Variants in NR2C2 observed in about 807,000 individuals in gnomAD.
The protein encoded by NR2C2 is Nuclear hormone receptor TR4.
Under a neutral mutation model 62.9 loss-of-function variants are expected in NR2C2, and 6 were observed. The observed-to-expected ratio is 0.10, with a 90% confidence interval of 0.05 to 0.19. NR2C2 has a LOEUF of 0.19. Among genes scored for constraint, NR2C2 ranks in the 10% least tolerant of loss-of-function variants. The pLI, the probability that NR2C2 is intolerant of heterozygous loss-of-function variation, is 1.00. For missense variants in NR2C2, 479 were observed against 762.7 expected, an observed-to-expected ratio of 0.63 and a Z score of 4.38; for synonymous variants, 272 against 273.8, an observed-to-expected ratio of 0.99 and a Z score of 0.07.
chr3:14,949,309 A>G (rs956667178), intron 1 of NR2C2, among the ~76,000 whole-genome samples: 1 of 152,202 alleles, frequency 6.6e-6, no homozygotes, highest in African/African-American at 2.4e-5. Flanking sequence ...CTCTCTGAGT[A>G]AGTGATGTTT....
intron 11 of NR2C2, among the ~76,000 whole-genome samples, chr3:15,037,113 C>CAA (rs1194047301): frequency 7.8e-6 from 1 of 128,712 alleles, no homozygotes; most frequent in African/African-American, 2.9e-5. Context: ...GAGTGAGACT[C>CAA]AAAAAAAAAA....
At chr3:15,011,244 C>T (rs1245054276) in intron 2 of NR2C2, among the ~76,000 whole-genome samples, 2 of 152,174 alleles carry the variant, frequency 1.3e-5, no homozygotes, top group African/African-American at 4.8e-5. Context: ...AAGGCCAAAG[C>T]AGAAGGATTG....
intron 1 of NR2C2, among the ~76,000 whole-genome samples, chr3:14,986,643 A>C (rs2040521520): frequency 6.6e-6 from 1 of 152,236 alleles, no homozygotes; most frequent in Non-Finnish European, 1.5e-5. Context: ...GTATACCTTT[A>C]GTGTCTGATA....
intron 2 of NR2C2, among the ~76,000 whole-genome samples, chr3:15,004,796 A>G (rs1018488839): frequency 1.3e-5 from 2 of 152,174 alleles, no homozygotes; most frequent in African/African-American, 4.8e-5. Context: ...TGTTAGTTGC[A>G]TATATGTTTT....
At chr3:14,983,935 T>G (rs2040445324) in intron 1 of NR2C2, among the ~76,000 whole-genome samples, 1 of 152,072 alleles carries the variant, frequency 6.6e-6, no homozygotes, top group South Asian at 2.1e-4. Flanking sequence ...GTTGCCAAGG[T>G]TGGAGTGCAA....
intron 1 of NR2C2, among the ~76,000 whole-genome samples, chr3:14,982,538 A>T (rs893492572): frequency 1.3e-5 from 2 of 152,208 alleles, no homozygotes; most frequent in Non-Finnish European, 2.9e-5. Flanking sequence ...TGCAAAAATT[A>T]AGCACGTCTT....
intron 2 of NR2C2, among the ~76,000 whole-genome samples, chr3:15,006,347 T>C (rs2041171026): frequency 1.3e-5 from 2 of 152,222 alleles, no homozygotes; most frequent in African/African-American, 4.8e-5. Context: ...TTTACCCTTT[T>C]TATTTTTAGT....
intron 5 of NR2C2, 39 bp from the exon 6 acceptor site, chr3:15,023,161 T>C: frequency 6.2e-7 from 1 of 1,607,592 alleles, no homozygotes; most frequent in Non-Finnish European, 8.5e-7. Context: ...TTGATTGGAA[T>C]TGTTTCTCTA....
Position 15,036,494 on chromosome 3 carries a change from TTTTG to T in NR2C2, c.1373-1494_1373-1491del, listed in dbSNP as rs563314391. On this transcript the variant is annotated intron_variant, in intron 11 of 13. Transcript: ENST00000425241. Reference sequence around the variant, plus strand: ...GAAGTGGAAGTTTTTGTTGTTGTTGTTTTGTTTGTTTGTTTTTTGATACAGTCTC... The same window carrying T: ...GAAGTGGAAGTTTTTGTTGTTGTTGTTTTGTTTGTTTTTTGATACAGTCTC... Among the ~76,000 whole-genome samples, 69 of 152,136 alleles carry T rather than the reference TTTTG, an allele frequency of 4.5e-4. 1 individual carries two copies. In the South Asian group the frequency reaches 0.011, roughly 25 times the overall value.
intron 1 of NR2C2, among the ~76,000 whole-genome samples, chr3:14,962,139 G>A (rs1050520005): frequency 6.6e-6 from 1 of 152,180 alleles, no homozygotes; most frequent in African/African-American, 2.4e-5. Context: ...TACAACCCTG[G>A]AGACCTGATA....
At chr3:15,015,963 T>G (rs1422074719) in intron 3 of NR2C2, among the ~76,000 whole-genome samples, 189 bp from the exon 4 acceptor site, 2 of 152,032 alleles carry the variant, frequency 1.3e-5, no homozygotes, top group Admixed American at 1.3e-4. Flanking sequence ...CCACCACATT[T>G]GACTAATTTT....
At chr3:14,951,281 A>G (rs908384583) in intron 1 of NR2C2, among the ~76,000 whole-genome samples, 8 of 152,216 alleles carry the variant, frequency 5.3e-5, no homozygotes, top group Non-Finnish European at 1.0e-4. Flanking sequence ...TATCTTTCTA[A>G]AGATAAATTG....
At chr3:15,006,805 C>T (rs372491777) in intron 2 of NR2C2, among the ~76,000 whole-genome samples, 7 of 147,444 alleles carry the variant, frequency 4.7e-5, no homozygotes, top group Middle Eastern at 3.5e-3. Context: ...AAAGGCATTT[C>T]GCTCTTGTCG....
At chr3:14,996,650 A>G (rs1282572606) in intron 1 of NR2C2, among the ~76,000 whole-genome samples, 1 of 152,192 alleles carries the variant, frequency 6.6e-6, no homozygotes, top group Non-Finnish European at 1.5e-5. Flanking sequence ...AGCTCACTGC[A>G]AGCTCTGCCT....
intron 1 of NR2C2, among the ~76,000 whole-genome samples, chr3:14,952,413 G>A (rs1042480010): frequency 2.0e-5 from 3 of 152,072 alleles, no homozygotes; most frequent in Non-Finnish European, 2.9e-5. Context: ...TAAGCCATAC[G>A]CTCCTTTAGT....
At chr3:15,032,593 G>T in intron 10 of NR2C2, 93 bp downstream of exon 10, 1 of 1,501,196 alleles carries the variant, frequency 6.7e-7, no homozygotes, top group South Asian at 1.1e-5. Context: ...TGTCTAGTTT[G>T]ACTGTTTCTA....
At chr3:15,041,396 T>C (rs574546426) in intron 13 of NR2C2, among the ~76,000 whole-genome samples, 18 of 152,242 alleles carry the variant, frequency 1.2e-4, no homozygotes, top group Admixed American at 3.9e-4. Context: ...CCCTGCAAGA[T>C]TGGAGCACAG....
intron 4 of NR2C2, among the ~76,000 whole-genome samples, chr3:15,016,611 G>A (rs2041518177): frequency 1.3e-5 from 2 of 152,144 alleles, no homozygotes; most frequent in Admixed American, 1.3e-4. Context: ...CATCCTAACT[G>A]TAACTATCTC....
At chr3:14,984,226 T>C (rs1574962040) in intron 1 of NR2C2, among the ~76,000 whole-genome samples, 2 of 152,218 alleles carry the variant, frequency 1.3e-5, no homozygotes, top group South Asian at 4.1e-4. Context: ...TCTCCAGTTA[T>C]AGTCTCCTTT....
Sources: allele counts gnomAD v4.1 joint callset (sites outside exome capture counted in the v4.1 genomes callset), GRCh38; gene constraint gnomAD v4.1.1; transcripts MANE v1.5; gene names NCBI Gene and HGNC (gene_info 2026-07-23, HGNC 2026-07-21).